The following DUSP10 variants were observed in gnomAD, a reference collection of about 807,000 sequenced individuals.
DUSP10 encodes dual specificity phosphatase 10, also known as dual specificity protein phosphatase 10.
A neutral mutation model predicts 30.8 loss-of-function variants in DUSP10; 14 were observed. The ratio of observed to expected loss-of-function variants is 0.46; its 90% CI spans 0.30 to 0.71. The LOEUF (loss-of-function observed/expected upper bound fraction) is 0.71. Among genes scored for constraint, DUSP10 ranks in the 30% least tolerant of loss-of-function variants. The pLI is 0.08. For synonymous variants in DUSP10, 254 were observed against 250.4 expected (o/e 1.01, Z -0.14); for missense variants, 550 against 619.4 (o/e 0.89, Z 1.19).
In DUSP10 at chr1:221,739,662, T is replaced by A. The variant is rs759033498; in HGVS notation, c.83A>T (p.Asp28Val). 1 of 1,613,524 alleles carries A rather than the reference T, an allele frequency of 6.2e-7. No homozygotes were observed. Reference protein sequence around the residue: ...VRPQDLNLCLDSSYLGSANPG... With the variant: ...VRPQDLNLCLVSSYLGSANPG... The stretch of plus-strand genomic sequence containing the variant: ...GTTGGCAGAGCCAAGGTAACTAGAG[T>A]CTAAACAAAGGTTGAGATCCTGAGG... Residue 28 changes from aspartate to valine, a missense_variant, in exon 2 of 4, where the codon GAC (aspartate) becomes GTC (valine). Coordinates refer to ENST00000366899, the MANE Select transcript of DUSP10 (RefSeq NM_007207.6).
intron 2 of DUSP10, among the ~76,000 whole-genome samples, chr1:221,718,827 A>G (rs1476135166): frequency 1.3e-5 from 2 of 152,256 alleles, no homozygotes; most frequent in African/African-American, 4.8e-5. Context: ...GTAAAGTCCA[A>G]TTAAATAAAT....
Position 221,702,621 on chromosome 1 carries a change from G to A in DUSP10, c.1240C>T (p.Arg414Cys). 1.9e-6 allele frequency: 3 copies of A among 1,614,044 alleles called. No individual in the cohort carries two copies. Among genetic ancestry groups the A allele is most frequent in the Non-Finnish European group, 2.5e-6 (3 of 1,180,014 alleles). ...TAAGCGATGACGATGGTGGCGGAGC[G>A]GGACACCCCAGCCTGGCAGTGGATG... is the stretch of plus-strand genomic sequence containing the variant. Reference protein sequence around the residue: ...LLIHCQAGVSRSATIVIAYLM... With the variant: ...LLIHCQAGVSCSATIVIAYLM... The change falls in exon 4 of 4, where the codon CGC becomes TGC. Residue 414 changes from arginine to cysteine, a missense_variant. Transcript: ENST00000366899. This position sits in a 1 kb window ranked among gnomAD's most constrained non-coding sequence, Gnocchi z 4.5.
chr1:221,719,705 G>T (rs867097264), intron 2 of DUSP10, among the ~76,000 whole-genome samples: 1 of 152,066 alleles, frequency 6.6e-6, no homozygotes, highest in African/African-American at 2.4e-5. Context: ...TCAGACTTTC[G>T]ACCATTTCCC....
At chr1:221,733,240 G>C (rs1223327009) in intron 2 of DUSP10, among the ~76,000 whole-genome samples, 5 of 152,206 alleles carry the variant, frequency 3.3e-5, no homozygotes, top group Non-Finnish European at 5.9e-5. Flanking sequence ...AATTTTGTCA[G>C]ACCTTCAGAT....
chr1:221,710,405 T>C (rs1164257477), intron 2 of DUSP10, among the ~76,000 whole-genome samples: 1 of 152,170 alleles, frequency 6.6e-6, no homozygotes, highest in African/African-American at 2.4e-5. Context: ...GGGATAACAA[T>C]AGTACCTACC....
chr1:221,725,391 T>TTGTAAGAGAGGG lies in DUSP10; in HGVS notation c.811+13542_811+13543insCCCTCTCTTACA, dbSNP rs1293368905. Among the ~76,000 whole-genome samples, 11 of 152,326 alleles carry TTGTAAGAGAGGG rather than the reference T, an allele frequency of 7.2e-5. No individual in the cohort carries two copies. In the East Asian group the frequency reaches 1.9e-3, roughly 27 times the overall value. ...ATATACCACATTCAGCTCCTCCCAA[T>TTGTAAGAGAGGG]CTTTGTAAGAGAGGGCTTCCTGGAC... On this transcript the variant is annotated intron_variant, in intron 2 of 3. Coordinates refer to ENST00000366899, the MANE Select transcript of DUSP10 (RefSeq NM_007207.6).
At chr1:221,723,970 T>C (rs1213027508) in intron 2 of DUSP10, among the ~76,000 whole-genome samples, 4 of 152,272 alleles carry the variant, frequency 2.6e-5, no homozygotes, top group Non-Finnish European at 5.9e-5. Flanking sequence ...GATGTCTTTC[T>C]GATGATAAAC....
chr1:221,716,624 C>T (rs116463993), intron 2 of DUSP10, among the ~76,000 whole-genome samples: 317 of 152,128 alleles, frequency 2.1e-3, no homozygotes, highest in African/African-American at 7.2e-3. Context: ...TTTTGCTTTC[C>T]AAGAAAGGAT....
At chr1:221,721,578 T>C (rs1033540988) in intron 2 of DUSP10, among the ~76,000 whole-genome samples, 3 of 151,956 alleles carry the variant, frequency 2.0e-5, no homozygotes, top group African/African-American at 7.3e-5. Context: ...TTTACAGGGG[T>C]GCTGGGCCTC....
At chr1:221,727,229 T>C (rs1419070072) in intron 2 of DUSP10, among the ~76,000 whole-genome samples, 1 of 152,218 alleles carries the variant, frequency 6.6e-6, no homozygotes, top group African/African-American at 2.4e-5. Context: ...AGCCGGCTCA[T>C]TCAATTAGTC....
At position 221,739,805 on chromosome 1, in the gene DUSP10, G is replaced by A. The variant is rs1661896949; in HGVS notation, c.-43-18C>T. On this transcript the variant is annotated intron_variant, in intron 1 of 3. Transcript: ENST00000366899. ...AAGACAGTCTGTAAAGAAGGGGAAG[G>A]GGGAAAGAAAGAATAAAGTCACGTG... 2 of 1,506,486 alleles carry A rather than the reference G, an allele frequency of 1.3e-6. No individual in the cohort carries two copies. The highest frequency in any genetic ancestry group is 1.3e-5 in the South Asian group (1 of 74,484). The allele number at this position is 1,506,486 out of a possible 1,614,324, so 93.3% of individuals were successfully genotyped here. A position where few individuals can be genotyped will look rare whatever the true frequency, so the allele number is the denominator to read the frequency against.
intron 2 of DUSP10, chr1:221,711,825 G>T (rs566993511): frequency 6.6e-6 from 1 of 152,240 alleles, no homozygotes; most frequent in African/African-American, 2.4e-5. Context: ...ACCAGGAACA[G>T]ATGGATGCTA....
intron 3 of DUSP10, among the ~76,000 whole-genome samples, chr1:221,703,304 G>A (rs902972281): frequency 9.2e-5 from 14 of 152,010 alleles, no homozygotes; most frequent in African/African-American, 3.4e-4. Flanking sequence ...CCTAGTGCTA[G>A]TAACAACTCT....
chr1:221,723,266 T>G (rs180707602), intron 2 of DUSP10, among the ~76,000 whole-genome samples: 9 of 152,186 alleles, frequency 5.9e-5, no homozygotes, highest in Admixed American at 4.6e-4. Context: ...GCTCAAAGAT[T>G]GAGTCATTTT....
At chr1:221,707,876 T>C (rs953902369) in intron 2 of DUSP10, among the ~76,000 whole-genome samples, 1 of 152,170 alleles carries the variant, frequency 6.6e-6, no homozygotes, top group Non-Finnish European at 1.5e-5. Flanking sequence ...AAACGAACAA[T>C]TGTTTAAATT....
chr1:221,721,816 A>G lies in DUSP10; in HGVS notation c.812-15350T>C, dbSNP rs74144911. Among the ~76,000 whole-genome samples, 470 of 152,342 alleles carry G rather than the reference A, an allele frequency of 3.1e-3. 2 individuals carry two copies. The highest frequency in any genetic ancestry group is 0.011 in the African/African-American group (440 of 41,574). On this transcript the variant is annotated intron_variant, in intron 2 of 3. Transcript: ENST00000366899. Reference sequence around the variant, plus strand: ...CACTGAGCAGCAGGAGGGGCCCTCAATTCAGTTTAATATACATTTATTAAG... The same window carrying G: ...CACTGAGCAGCAGGAGGGGCCCTCAGTTCAGTTTAATATACATTTATTAAG...
intron 2 of DUSP10, among the ~76,000 whole-genome samples, chr1:221,735,039 AG>A (rs1416834726): frequency 6.6e-6 from 1 of 152,272 alleles, no homozygotes. Flanking sequence ...CTTTTCAACT[AG>A]GGAAAAGTGT....
intron 2 of DUSP10, among the ~76,000 whole-genome samples, chr1:221,733,422 G>C (rs1661674436): frequency 6.6e-6 from 1 of 152,232 alleles, no homozygotes; most frequent in African/African-American, 2.4e-5. Context: ...ATTGCCAGGA[G>C]AGGAGTTTCT....
chr1:221,723,603 T>A (rs1454582974), intron 2 of DUSP10, among the ~76,000 whole-genome samples: 1 of 152,236 alleles, frequency 6.6e-6, no homozygotes, highest in Non-Finnish European at 1.5e-5. Flanking sequence ...TCAGGCTTGA[T>A]AATTCACTAG....
Sources: allele counts gnomAD v4.1 joint callset (sites outside exome capture counted in the v4.1 genomes callset), GRCh38; gene constraint gnomAD v4.1.1; non-coding constraint Gnocchi (gnomAD v3.1); transcripts MANE v1.5; gene names NCBI Gene and HGNC (gene_info 2026-07-23, HGNC 2026-07-21).